NT5DC1: variants seen among roughly 807,000 people sequenced by gnomAD.
The protein encoded by NT5DC1 is 5'-nucleotidase domain-containing protein 1.
In NT5DC1, 42 loss-of-function variants were observed where a neutral mutation model predicts 59.4. The ratio of observed to expected loss-of-function variants is 0.71; its 90% CI spans 0.55 to 0.92. NT5DC1 has a LOEUF of 0.92. NT5DC1 is among the 40% of genes least tolerant of loss of function. The probability of loss-of-function intolerance (pLI) is 0.00; values close to 1 mark genes in which losing one functional copy is unlikely to be tolerated. For missense variants in NT5DC1, 501 were observed against 537.1 expected (o/e 0.93, Z 0.66); for synonymous variants, 172 against 188.1 (o/e 0.91, Z 0.70).
intron 6 of NT5DC1, among the ~76,000 whole-genome samples, chr6:116,179,312 A>T (rs1582856289): frequency 6.6e-6 from 1 of 152,134 alleles, no homozygotes. Flanking sequence ...TGGCAGGAGG[A>T]TTTACATTCT....
chr6:116,229,369 G>C (rs1330078302), intron 8 of NT5DC1, among the ~76,000 whole-genome samples: 1 of 152,162 alleles, frequency 6.6e-6, no homozygotes, highest in Non-Finnish European at 1.5e-5. Flanking sequence ...TAATGCAACT[G>C]AGCTGGCTGG....
intron 6 of NT5DC1, among the ~76,000 whole-genome samples, chr6:116,216,617 C>T (rs1781692419): frequency 6.6e-6 from 1 of 151,804 alleles, no homozygotes; most frequent in Non-Finnish European, 1.5e-5. Flanking sequence ...TTTCACTTTA[C>T]ACAATCTAGA....
chr6:116,155,497 A>G (rs1386003191), intron 6 of NT5DC1, among the ~76,000 whole-genome samples: 5 of 152,148 alleles, frequency 3.3e-5, no homozygotes, highest in Non-Finnish European at 5.9e-5. Context: ...TGTAATACGT[A>G]CTGAATCCAG....
rs1417881561 is a variant in NT5DC1 at position 116,196,611 on chromosome 6, A to G, written c.530-24443A>G. Among the ~76,000 whole-genome samples the G allele has an allele frequency of 3.9e-5, 6 of 152,204 alleles. No individual in the cohort carries two copies. In the East Asian group the frequency reaches 7.8e-4, roughly 20 times the overall value. Reference sequence around the variant, plus strand: ...ATATAGTATATAGAAAGTTGAGGTCAGGGGAACAGGAGGAGTAGCTTCATT... The same window carrying G: ...ATATAGTATATAGAAAGTTGAGGTCGGGGGAACAGGAGGAGTAGCTTCATT... On this transcript the variant is annotated intron_variant, in intron 6 of 11. Transcript: ENST00000319550.
chr6:116,196,609 T>A (rs1424047870), intron 6 of NT5DC1, among the ~76,000 whole-genome samples: 3 of 152,020 alleles, frequency 2.0e-5, no homozygotes, highest in Non-Finnish European at 2.9e-5. Flanking sequence ...AAAGTTGAGG[T>A]CAGGGGAACA....
chr6:116,166,446 A>G (rs1780469240), intron 6 of NT5DC1, among the ~76,000 whole-genome samples: 1 of 152,236 alleles, frequency 6.6e-6, no homozygotes, highest in Non-Finnish European at 1.5e-5. Flanking sequence ...CTAAGAAATC[A>G]CAATGGAAGA....
intron 6 of NT5DC1, among the ~76,000 whole-genome samples, chr6:116,180,541 ATC>A: frequency 6.6e-6 from 1 of 152,224 alleles, no homozygotes; most frequent in South Asian, 2.1e-4. Context: ...TTATTGCTTA[ATC>A]TTATCACAAA....
chr6:116,191,687 A>G (rs1259034486), intron 6 of NT5DC1, among the ~76,000 whole-genome samples: 1 of 152,098 alleles, frequency 6.6e-6, no homozygotes, highest in Non-Finnish European at 1.5e-5. Flanking sequence ...AAAAGAGTCA[A>G]TAACATTGTC....
chr6:116,162,285 T>G (rs1346070837), intron 6 of NT5DC1, among the ~76,000 whole-genome samples: 1 of 152,214 alleles, frequency 6.6e-6, no homozygotes, highest in Non-Finnish European at 1.5e-5. Context: ...TCCTGCCTGA[T>G]TGCTCTGGCT....
chr6:116,121,878 G>T, intron 6 of NT5DC1: 2 of 1,613,904 alleles, frequency 1.2e-6, no homozygotes, highest in Admixed American at 1.7e-5. Context: ...GGTTTTCCTG[G>T]TGGTCCAGAA....
In NT5DC1 at chr6:116,107,642, G is replaced by A. The variant is rs578031464; in HGVS notation, c.186-722G>A. On this transcript the variant is annotated intron_variant, in intron 2 of 11. Transcript: ENST00000319550. The stretch of plus-strand genomic sequence containing the variant: ...GGCTGGAGTGCAGTGGCGCGATCTC[G>A]GCTCACTGCAAGCTCTGCCTCCCGG... 2.9e-3 allele frequency among the ~76,000 whole-genome samples: 432 copies of A among 151,002 alleles called. 2 individuals carry two copies. Among genetic ancestry groups the A allele is most frequent in the African/African-American group, 0.01 (417 of 41,066 alleles).
At chr6:116,111,083 G>A in intron 4 of NT5DC1, 127 bp downstream of exon 4, 1 of 636,012 alleles carries the variant, frequency 1.6e-6, no homozygotes, top group South Asian at 1.9e-5. Context: ...AGCAGCTTCA[G>A]CTTTATAGCA....
At position 116,100,879 on chromosome 6, in the gene NT5DC1, G is replaced by A. The variant is rs1275251619; in HGVS notation, c.-52G>A. The A allele has an allele frequency of 2.1e-5, 29 of 1,408,352 alleles. No homozygotes were observed. Among genetic ancestry groups the A allele is most frequent in the Non-Finnish European group, 2.5e-5 (26 of 1,029,000 alleles). The allele number at this position is 1,408,352 out of a possible 1,614,324, so 87.2% of individuals were successfully genotyped here. A position where few individuals can be genotyped will look rare whatever the true frequency, so the allele number is the denominator to read the frequency against. On this transcript the variant is annotated 5_prime_UTR_variant, in exon 1 of 12. Transcript: ENST00000319550. ...CTGTCCCGCAGCGTCCCGCCAGCCA[G>A]CTCCTTGCACCCTTCGCGGCCGAGG... is the stretch of plus-strand genomic sequence containing the variant.
intron 6 of NT5DC1, among the ~76,000 whole-genome samples, chr6:116,171,460 A>G (rs963089853): frequency 2.6e-5 from 4 of 152,202 alleles, no homozygotes; most frequent in Non-Finnish European, 5.9e-5. Flanking sequence ...AGTGGTGGTA[A>G]AGATGATTAT....
At chr6:116,102,046 T>C (rs929387196) in intron 1 of NT5DC1, among the ~76,000 whole-genome samples, 4 of 152,248 alleles carry the variant, frequency 2.6e-5, no homozygotes, top group African/African-American at 9.6e-5. Flanking sequence ...CACAAGATTG[T>C]TGCAAGGATT....
chr6:116,101,040 C>G lies in NT5DC1; in HGVS notation c.93+17C>G, dbSNP rs910262495. On this transcript the variant is annotated intron_variant, in intron 1 of 11. Transcript: ENST00000319550. The stretch of plus-strand genomic sequence containing the variant: ...AGCGCCCCGGTGAGTGGCGCGGGCT[C>G]CGGGGCGCACTGCGCGCAACCTCCA... 1.3e-6 allele frequency: 2 copies of G among 1,554,906 alleles called. No individual in the cohort carries two copies. Among genetic ancestry groups the G allele is most frequent in the African/African-American group, 1.4e-5 (1 of 70,928 alleles).
chr6:116,179,282 G>T (rs917954442), intron 6 of NT5DC1, among the ~76,000 whole-genome samples: 1 of 152,026 alleles, frequency 6.6e-6, no homozygotes, highest in African/African-American at 2.4e-5. Flanking sequence ...TTAAAATGAA[G>T]AATTCTGAAA....
intron 1 of NT5DC1, 90 bp downstream of exon 1, chr6:116,101,113 C>G: frequency 1.1e-6 from 1 of 928,880 alleles, no homozygotes; most frequent in Non-Finnish European, 1.6e-6. Context: ...ACGGCGGACG[C>G]TGCCCGGGGC....
chr6:116,165,941 A>T (rs1780452063), intron 6 of NT5DC1, among the ~76,000 whole-genome samples: 1 of 152,178 alleles, frequency 6.6e-6, no homozygotes, highest in Non-Finnish European at 1.5e-5. Flanking sequence ...CTGTCCTCTC[A>T]GCTCAGGCTT....
Sources: allele counts gnomAD v4.1 joint callset (sites outside exome capture counted in the v4.1 genomes callset), GRCh38; gene constraint gnomAD v4.1.1; transcripts MANE v1.5; gene names NCBI Gene and HGNC (gene_info 2026-07-23, HGNC 2026-07-21).